MROH2B: variants seen among roughly 807,000 people sequenced by gnomAD.
MROH2B encodes the protein maestro heat like repeat family member 2B.
MROH2B carries 177 observed loss-of-function variants against 208.6 expected under a neutral mutation model. That is an observed-to-expected ratio of 0.85 (90% CI 0.75 to 0.96). MROH2B has a LOEUF of 0.96. Among genes scored for constraint, MROH2B ranks in the 40% least tolerant of loss-of-function variants. The pLI, the probability that MROH2B is intolerant of heterozygous loss-of-function variation, is 0.00. For missense variants in MROH2B, 2,002 were observed against 1,878.7 expected, an observed-to-expected ratio of 1.07 and a Z score of -1.21; for synonymous variants, 728 against 659.0, an observed-to-expected ratio of 1.10 and a Z score of -1.60.
At chr5:41,035,028 C>A (rs1742709047) in intron 21 of MROH2B, among the ~76,000 whole-genome samples, 1 of 152,042 alleles carries the variant, frequency 6.6e-6, no homozygotes, top group South Asian at 2.1e-4. Context: ...CTGCCCAAAG[C>A]AGTTTACAGA....
chr5:41,047,348 T>C (rs1743152330), intron 17 of MROH2B, among the ~76,000 whole-genome samples: 1 of 152,236 alleles, frequency 6.6e-6, no homozygotes, highest in Middle Eastern at 3.4e-3. Flanking sequence ...GAAATACAGT[T>C]GTGTTTAGGG....
At chr5:41,003,942 G>A (rs1178661616) in intron 37 of MROH2B, among the ~76,000 whole-genome samples, 2 of 152,164 alleles carry the variant, frequency 1.3e-5, no homozygotes, top group African/African-American at 2.4e-5. Context: ...TCAAAAGCTG[G>A]CAAACGTTTT....
In MROH2B at chr5:41,032,475, T is replaced by C. The variant is rs186490816; in HGVS notation, c.2441+267A>G. ...AAGATCTAGAAAGAAGAATTTCCTT[T>C]TGCAGAGAAATTTTAGTCCTCATAT... On this transcript the variant is annotated intron_variant, in intron 24 of 41. Transcript: ENST00000399564. Among the ~76,000 whole-genome samples the C allele has an allele frequency of 1.4e-4, 22 of 152,250 alleles. No homozygotes were observed. In the East Asian group the frequency reaches 3.7e-3, roughly 25 times the overall value.
At position 41,004,836 on chromosome 5, in the gene MROH2B, C is replaced by A. The variant is rs767562629; in HGVS notation, c.3949G>T (p.Ala1317Ser). Residue 1317 changes from alanine (A) to serine (S), a missense_variant, in exon 36 of 42, where the codon GCC becomes TCC. Coordinates refer to ENST00000399564, the MANE Select transcript of MROH2B (RefSeq NM_173489.5). ...LMDQSAWDSN[A>S]TLRQMAIRGL... ...CGGATGGCCATCTGCCTCAGAGTGG[C>A]GTTGGAGTCCCAGGCACTTTGATCC... The A allele has an allele frequency of 4.8e-5, 78 of 1,613,894 alleles. No homozygotes were observed. The highest frequency in any genetic ancestry group is 6.4e-5 in the Non-Finnish European group (76 of 1,179,886).
At position 41,008,743 on chromosome 5, in the gene MROH2B, G is replaced by A; in HGVS notation, c.3471C>T (p.Gly1157=). 6.2e-7 allele frequency: 1 copy of A among 1,613,792 alleles called. No homozygotes were observed. Among genetic ancestry groups the A allele is most frequent in the Non-Finnish European group, 8.5e-7 (1 of 1,179,788 alleles). Residue 1157 remains glycine (G), a synonymous_variant, in exon 33 of 42, where the codon GGC becomes GGT. Transcript: ENST00000399564. The stretch of plus-strand genomic sequence containing the variant: ...GGAGAGTGAACAGCTCTGGATACAA[G>A]CCGGTGACAGAGGTGCCCATTGAGA... ...EVISMGTSVT[G]LYPELFTLLL... is the part of the protein sequence containing the mutation.
intron 19 of MROH2B, among the ~76,000 whole-genome samples, chr5:41,041,791 A>G (rs1742961641): frequency 6.6e-6 from 1 of 152,226 alleles, no homozygotes; most frequent in South Asian, 2.1e-4. Flanking sequence ...AAGTAATTTC[A>G]GCTTGTAAAT....
rs757097199 is a variant in MROH2B at position 41,042,104 on chromosome 5, C to A, written c.1941G>T (p.Gly647=). 1.2e-5 allele frequency: 19 copies of A among 1,584,818 alleles called. No homozygotes were observed. Among genetic ancestry groups the A allele is most frequent in the Non-Finnish European group, 1.5e-5 (17 of 1,163,506 alleles). Residue 647 remains glycine, a synonymous_variant, in exon 19 of 42, where the codon GGG becomes GGT. Coordinates refer to ENST00000399564, the MANE Select transcript of MROH2B (RefSeq NM_173489.5). ...CAAGGGGTCCCACCTGTCTTTGATC[C>A]CCCAGTTGGTTGGGAGCAGTCAGAA... is the stretch of plus-strand genomic sequence containing the variant. ...KEFLTAPNQL[G]DQRQGITSIL... is the part of the protein sequence containing the mutation.
intron 33 of MROH2B, among the ~76,000 whole-genome samples, chr5:41,007,662 C>T (rs1433588620): frequency 1.3e-5 from 2 of 152,070 alleles, no homozygotes; most frequent in Non-Finnish European, 2.9e-5. Flanking sequence ...AGTAATGCCA[C>T]AAAATCTTGT....
In MROH2B at chr5:41,041,481, G is replaced by A. The variant is rs190273616; in HGVS notation, c.1953+611C>T. 5.0e-3 allele frequency among the ~76,000 whole-genome samples: 756 copies of A among 152,112 alleles called. 4 individuals are homozygous for A. Among genetic ancestry groups the A allele is most frequent in the Non-Finnish European group, 7.5e-3 (512 of 68,008 alleles). The stretch of plus-strand genomic sequence containing the variant: ...ATCTACTAAAAATATAAAATTAGCC[G>A]GGCATGGTAGCAGACACCTGTAATC... On this transcript the variant is annotated intron_variant, in intron 19 of 41. Coordinates refer to ENST00000399564, the MANE Select transcript of MROH2B (RefSeq NM_173489.5).
chr5:41,017,031 C>T (rs897969077), intron 28 of MROH2B, among the ~76,000 whole-genome samples: 1 of 152,116 alleles, frequency 6.6e-6, no homozygotes, highest in African/African-American at 2.4e-5. Context: ...AGCATTAGAA[C>T]AGTGCCTGAC....
intron 17 of MROH2B, 105 bp downstream of exon 17, chr5:41,047,616 G>C (rs112799923): frequency 8.9e-6 from 9 of 1,008,336 alleles, no homozygotes; most frequent in South Asian, 3.0e-5. Context: ...GAAAGGAAAA[G>C]GTTGTTTATT....
chr5:41,020,601 A>G (rs1362233064), intron 24 of MROH2B, among the ~76,000 whole-genome samples: 4 of 152,230 alleles, frequency 2.6e-5, no homozygotes, highest in African/African-American at 9.6e-5. Flanking sequence ...ACTTAATAAT[A>G]TTTATTGAAT....
intron 1 of MROH2B, among the ~76,000 whole-genome samples, chr5:41,070,546 A>G (rs1743956080): frequency 6.6e-6 from 1 of 152,190 alleles, no homozygotes; most frequent in South Asian, 2.1e-4. Flanking sequence ...AGTATTTAAA[A>G]TTAAATAACA....
At chr5:41,000,415 A>G (rs1346105972) in intron 38 of MROH2B, 64 bp from the exon 39 acceptor site, 6 of 1,584,446 alleles carry the variant, frequency 3.8e-6, no homozygotes, top group Admixed American at 3.6e-5. Flanking sequence ...GAAGGGAAAA[A>G]ATGCTGAATA....
At chr5:41,052,420 T>C (rs756240360) in intron 12 of MROH2B, 45 bp downstream of exon 12, 1 of 1,514,906 alleles carries the variant, frequency 6.6e-7, no homozygotes, top group Non-Finnish European at 8.9e-7. Context: ...TTGAGCGAAC[T>C]GTACTTTTTA....
At chr5:41,026,847 C>T (rs1474539385) in intron 24 of MROH2B, among the ~76,000 whole-genome samples, 1 of 152,112 alleles carries the variant, frequency 6.6e-6, no homozygotes, top group Non-Finnish European at 1.5e-5. Context: ...GAGATATAGA[C>T]CAATGGAATG....
intron 24 of MROH2B, among the ~76,000 whole-genome samples, chr5:41,029,676 A>C (rs1742499063): frequency 6.6e-6 from 1 of 152,188 alleles, no homozygotes; most frequent in South Asian, 2.1e-4. Flanking sequence ...AAACTCTAAG[A>C]AGAAAATACA....
chr5:41,037,372 C>T (rs1742799479), intron 21 of MROH2B, among the ~76,000 whole-genome samples: 1 of 152,134 alleles, frequency 6.6e-6, no homozygotes, highest in South Asian at 2.1e-4. Flanking sequence ...CACTGCTTCT[C>T]AGATTTTGGG....
At chr5:41,042,001 A>C (rs1742968472) in intron 19 of MROH2B, 91 bp downstream of exon 19, 1 of 652,142 alleles carries the variant, frequency 1.5e-6, no homozygotes, top group Non-Finnish European at 2.6e-6. Flanking sequence ...GATTAAGTAG[A>C]ACATTATTAT....
Sources: allele counts gnomAD v4.1 joint callset (sites outside exome capture counted in the v4.1 genomes callset), GRCh38; gene constraint gnomAD v4.1.1; transcripts MANE v1.5; gene names NCBI Gene and HGNC (gene_info 2026-07-23, HGNC 2026-07-21).